Variants in CEP70 observed in about 807,000 individuals in gnomAD.
The protein encoded by CEP70 is centrosomal protein 70.
In CEP70, 70 loss-of-function variants were observed where a neutral mutation model predicts 90.9. That is an observed-to-expected ratio of 0.77 (90% CI 0.64 to 0.94). The LOEUF (loss-of-function observed/expected upper bound fraction) is 0.94. Ranked by LOEUF, CEP70 falls within the 40% of genes least tolerant of loss-of-function variation. The probability of loss-of-function intolerance (pLI) is 0.00; values close to 1 mark genes in which losing one functional copy is unlikely to be tolerated. For missense variants in CEP70, 648 were observed against 669.0 expected (o/e 0.97, Z 0.35); for synonymous variants, 220 against 228.3 (o/e 0.96, Z 0.33).
At position 138,570,366 on chromosome 3, in the gene CEP70, G is replaced by A; in HGVS notation, c.417C>T (p.His139=). Residue 139 remains histidine, a synonymous_variant, in exon 6 of 18, where the codon CAC becomes CAT. Transcript: ENST00000264982. ...GAAGATCTTTTATTTTATTCTGTTG[G>A]TGGCAAGCCCTACTTAGTGATTCAT... ...LEDESLSRAC[H]QQNKIKDLQK... The A allele has an allele frequency of 6.3e-7, 1 of 1,599,162 alleles. No individual in the cohort carries two copies. The highest frequency in any genetic ancestry group is 1.7e-4 in the Middle Eastern group (1 of 6,040).
chr3:138,499,119 T>G (rs1051801031), intron 16 of CEP70, among the ~76,000 whole-genome samples: 6 of 151,608 alleles, frequency 4.0e-5, no homozygotes, highest in Non-Finnish European at 8.8e-5. Context: ...AATAGGCCAA[T>G]AGCAAGATAT....
At chr3:138,579,299 A>G (rs2041722853) in intron 2 of CEP70, among the ~76,000 whole-genome samples, 1 of 152,090 alleles carries the variant, frequency 6.6e-6, no homozygotes, top group Admixed American at 6.5e-5. Flanking sequence ...CAAGGACTGC[A>G]ACTCCAAGGC....
intron 6 of CEP70, among the ~76,000 whole-genome samples, chr3:138,554,219 A>G (rs2039835573): frequency 6.6e-6 from 1 of 151,560 alleles, no homozygotes; most frequent in African/African-American, 2.4e-5. Context: ...AAAAAAATCC[A>G]GCATCCTTTT....
intron 6 of CEP70, among the ~76,000 whole-genome samples, chr3:138,539,945 C>T (rs1240752566): frequency 1.3e-5 from 2 of 152,036 alleles, no homozygotes; most frequent in Non-Finnish European, 2.9e-5. Flanking sequence ...AAAGCAATTG[C>T]AACAGAAGCA....
intron 10 of CEP70, 36 bp from the exon 11 acceptor site, chr3:138,525,600 T>C: frequency 9.8e-7 from 1 of 1,019,256 alleles, no homozygotes; most frequent in Non-Finnish European, 1.4e-6. Context: ...TAATTCAATT[T>C]ACTGAATAAA....
intron 6 of CEP70, among the ~76,000 whole-genome samples, chr3:138,554,725 TA>T (rs1235334457): frequency 6.6e-6 from 1 of 152,130 alleles, no homozygotes; most frequent in African/African-American, 2.4e-5. Context: ...ACTGTAAAAA[TA>T]AAATAAAGTA....
chr3:138,581,694 C>CAAAAAAAAAAAAAAAA (rs35064874), intron 2 of CEP70, among the ~76,000 whole-genome samples: 21 of 79,302 alleles, frequency 2.6e-4, no homozygotes, highest in Middle Eastern at 7.1e-3. Context: ...AAACTTGTCT[C>CAAAAAAAAAAAAAAAA]AAAAAAAAAA....
At position 138,496,621 on chromosome 3, in the gene CEP70, TG is replaced by T. The variant is rs1343985456; in HGVS notation, c.1732+1409del. 3.0e-6 allele frequency: 3 copies of T among 985,312 alleles called. No homozygotes were observed. The African/African-American group carries it at 5.2e-5, about 17-fold the overall frequency. 61.0% of individuals were successfully genotyped at this position (985,312 alleles called of 1,614,324 possible). ...CATTTACATGAGAAAAAGAATGGAT[TG>T]TTTTTTTACTCACTAAAGGTACTCT... On this transcript the variant is annotated intron_variant, in intron 17 of 17. Coordinates refer to ENST00000264982, the MANE Select transcript of CEP70 (RefSeq NM_024491.4).
In CEP70 at chr3:138,577,596, C is replaced by T. The variant is rs1576919743; in HGVS notation, c.-5-4664G>A. 4.6e-5 allele frequency among the ~76,000 whole-genome samples: 7 copies of T among 152,124 alleles called. No homozygotes were observed. In the East Asian group the frequency reaches 1.2e-3, roughly 25 times the overall value. On this transcript the variant is annotated intron_variant, in intron 2 of 17. Transcript: ENST00000264982. ...CCAGGAGATGGAAGTTGCAGTGAGA[C>T]GAGATGGTGCCACTGCACTCCAGCC...
Position 138,576,810 on chromosome 3 carries a change from G to A in CEP70, c.-5-3878C>T, listed in dbSNP as rs536425405. ...AGGATTAAGAAACTCACTCAAAACC[G>A]CACAACTACATGGAAACTGAACAAC... On this transcript the variant is annotated intron_variant, in intron 2 of 17. Coordinates refer to ENST00000264982, the MANE Select transcript of CEP70 (RefSeq NM_024491.4). 4.6e-5 allele frequency among the ~76,000 whole-genome samples: 7 copies of A among 152,186 alleles called. No individual in the cohort carries two copies. The East Asian group carries it at 5.8e-4, about 13-fold the overall frequency.
intron 11 of CEP70, among the ~76,000 whole-genome samples, chr3:138,520,825 TCC>T (rs549009542): frequency 4.3e-4 from 66 of 152,158 alleles, no homozygotes; most frequent in African/African-American, 1.5e-3. Context: ...CTCCCTCGTC[TCC>T]GTCTCCCACT....
rs185267787 is a variant in CEP70 at position 138,525,380 on chromosome 3, G to A, written c.944+110C>T. The A allele has an allele frequency of 1.8e-3, 581 of 315,522 alleles. 3 individuals are homozygous for A. Among genetic ancestry groups the A allele is most frequent in the Non-Finnish European group, 2.7e-3 (505 of 184,170 alleles). 19.5% of individuals were successfully genotyped at this position (315,522 alleles called of 1,614,324 possible). A position where few individuals can be genotyped will look rare whatever the true frequency, so the allele number is the denominator to read the frequency against. ...GTATACATATGTAACTAACCTGCAC[G>A]TTGTGCAGATGTACCCTTAAAGTAT... On this transcript the variant is annotated intron_variant, in intron 11 of 17. Transcript: ENST00000264982.
intron 1 of CEP70, 71 bp from the exon 2 acceptor site, chr3:138,592,027 T>C (rs2042407722): frequency 3.4e-6 from 2 of 582,690 alleles, no homozygotes; most frequent in South Asian, 4.5e-5. Flanking sequence ...GGTCTTGTGT[T>C]ACTCCCAGAG....
In CEP70 at chr3:138,498,308, GT is replaced by G. The variant is rs368892060; in HGVS notation, c.1653-199del. On this transcript the variant is annotated intron_variant, in intron 16 of 17. Transcript: ENST00000264982. ...CTTAAAAAAGCATTTCAATATCAATGTAAAATTTGTTAAATTCATATATAAC... is the reference window on the plus strand; with the variant it reads ...CTTAAAAAAGCATTTCAATATCAATGAAAATTTGTTAAATTCATATATAAC... Among the ~76,000 whole-genome samples the G allele has an allele frequency of 8.7e-5, 13 of 149,780 alleles. No homozygotes were observed. In the East Asian group the frequency reaches 1.8e-3, roughly 20 times the overall value.
At chr3:138,561,110 T>C (rs1029999158) in intron 6 of CEP70, among the ~76,000 whole-genome samples, 1 of 152,092 alleles carries the variant, frequency 6.6e-6, no homozygotes, top group African/African-American at 2.4e-5. Flanking sequence ...CACCTCCCAG[T>C]AGGAGCCAAC....
intron 11 of CEP70, among the ~76,000 whole-genome samples, chr3:138,521,636 G>A (rs1482402804): frequency 6.8e-6 from 1 of 146,756 alleles, no homozygotes; most frequent in East Asian, 2.1e-4. Flanking sequence ...GGTGAGGAGT[G>A]CCTCTGCCCG....
At chr3:138,578,001 G>C (rs2041645588) in intron 2 of CEP70, among the ~76,000 whole-genome samples, 1 of 152,182 alleles carries the variant, frequency 6.6e-6, no homozygotes, top group South Asian at 2.1e-4. Flanking sequence ...GAAGCAACTA[G>C]AGAGCAAAGC....
At chr3:138,530,819 A>G (rs1019488221) in intron 8 of CEP70, 17 of 985,084 alleles carry the variant, frequency 1.7e-5, no homozygotes, top group Non-Finnish European at 2.0e-5. Flanking sequence ...CTATTTGTAG[A>G]TCTCAAAATC....
At chr3:138,554,548 T>C (rs945113540) in intron 6 of CEP70, among the ~76,000 whole-genome samples, 1 of 152,166 alleles carries the variant, frequency 6.6e-6, no homozygotes, top group African/African-American at 2.4e-5. Flanking sequence ...ACTGGCAATA[T>C]GACTGTATAC....
Sources: gnomAD v4.1 joint callset for allele counts (sites outside exome capture counted in the v4.1 genomes callset) on GRCh38, gnomAD v4.1.1 for gene constraint, MANE v1.5 for transcripts, NCBI Gene and HGNC (gene_info 2026-07-23, HGNC 2026-07-21) for gene names.